Variants in SLC31A1 observed in about 807,000 individuals in gnomAD.
SLC31A1 encodes the protein solute carrier family 31 member 1.
Under a neutral mutation model 17.2 loss-of-function variants are expected in SLC31A1, and 5 were observed. That is an observed-to-expected ratio of 0.29 (90% CI 0.15 to 0.61). The LOEUF (loss-of-function observed/expected upper bound fraction) is 0.61, where lower values mean the gene tolerates loss of function less well. Among genes scored for constraint, SLC31A1 ranks in the 20% least tolerant of loss-of-function variants. SLC31A1 has a pLI of 0.86. For missense variants in SLC31A1, 161 were observed against 241.4 expected (o/e 0.67, Z 2.21); for synonymous variants, 76 against 78.8 (o/e 0.96, Z 0.19).
chr9:113,221,646 A>G lies in SLC31A1; in HGVS notation c.-68A>G. 8.7e-6 allele frequency: 3 copies of G among 344,626 alleles called. No individual in the cohort carries two copies. The highest frequency in any genetic ancestry group is 8.4e-5 in the Admixed American group (2 of 23,682). The allele number at this position is 344,626 out of a possible 1,614,324, so 21.3% of individuals were successfully genotyped here. On this transcript the variant is annotated 5_prime_UTR_variant, in exon 1 of 5. Coordinates refer to ENST00000374212, the MANE Select transcript of SLC31A1 (RefSeq NM_001859.4). ...GGGTGACGGGTTAAGATTCGGAGAG[A>G]GAGGTGCTAGTGGCTGGACTTGACC...
intron 1 of SLC31A1, among the ~76,000 whole-genome samples, chr9:113,249,921 GA>G (rs1435977010): frequency 6.6e-6 from 1 of 151,546 alleles, no homozygotes; most frequent in Non-Finnish European, 1.5e-5. Flanking sequence ...AAAAACACAT[GA>G]AAAAATGCTC....
At chr9:113,229,410 A>G (rs1025992681) in intron 1 of SLC31A1, among the ~76,000 whole-genome samples, 3 of 152,206 alleles carry the variant, frequency 2.0e-5, no homozygotes, top group South Asian at 4.1e-4. Flanking sequence ...TATAGCATAC[A>G]GTATATTCTG....
intron 1 of SLC31A1, among the ~76,000 whole-genome samples, chr9:113,229,963 A>T (rs1252411396): frequency 1.3e-5 from 2 of 152,216 alleles, no homozygotes; most frequent in Non-Finnish European, 2.9e-5. Flanking sequence ...CAAGGTGAAT[A>T]TTATAAACTC....
chr9:113,243,649 T>G (rs1178717284), intron 1 of SLC31A1, among the ~76,000 whole-genome samples: 2 of 152,292 alleles, frequency 1.3e-5, no homozygotes, highest in African/African-American at 4.8e-5. Context: ...CAGGCTCCAG[T>G]GATCCTCTGA....
At chr9:113,228,403 G>T (rs1831365721) in intron 1 of SLC31A1, among the ~76,000 whole-genome samples, 1 of 152,214 alleles carries the variant, frequency 6.6e-6, no homozygotes. Flanking sequence ...GTAGCTGGGA[G>T]ATCCACTCCC....
At chr9:113,225,631 T>A (rs1428008553) in intron 1 of SLC31A1, among the ~76,000 whole-genome samples, 1 of 152,188 alleles carries the variant, frequency 6.6e-6, no homozygotes, top group Non-Finnish European at 1.5e-5. Flanking sequence ...AAATAAAGTT[T>A]CCATACTAAA....
At chr9:113,245,368 C>T (rs1306492534) in intron 1 of SLC31A1, among the ~76,000 whole-genome samples, 1 of 151,952 alleles carries the variant, frequency 6.6e-6, no homozygotes, top group Non-Finnish European at 1.5e-5. Flanking sequence ...GATTACAGCA[C>T]TTTGTAATGT....
In SLC31A1 at chr9:113,258,601, A is replaced by AT. The variant is rs1357567815; in HGVS notation, c.203-87dup. 5.0e-6 allele frequency: 7 copies of AT among 1,393,906 alleles called. No individual in the cohort carries two copies. The African/African-American group carries it at 5.7e-5, about 11-fold the overall frequency. The allele number at this position is 1,393,906 out of a possible 1,614,324, so 86.3% of individuals were successfully genotyped here. ...AATGTCTTCAAAAGCTGAGAGTAGC[A>AT]TTTTTTCTATGTGTCTTTCTAGCTG... is the stretch of plus-strand genomic sequence containing the variant. On this transcript the variant is annotated intron_variant, in intron 3 of 4. Transcript: ENST00000374212. This position sits in a 1 kb window ranked among gnomAD's most constrained non-coding sequence, Gnocchi z 4.8.
intron 1 of SLC31A1, among the ~76,000 whole-genome samples, chr9:113,230,774 G>C (rs1359432275): frequency 6.6e-6 from 1 of 152,116 alleles, no homozygotes; most frequent in Non-Finnish European, 1.5e-5. Context: ...ATAGTCACTA[G>C]TCTTTTGGGG....
intron 1 of SLC31A1, chr9:113,223,339 AAAAG>A (rs1277124043): frequency 2.3e-4 from 91 of 388,976 alleles, no homozygotes; most frequent in African/African-American, 1.6e-3. Context: ...AAAAAAAAAA[AAAAG>A]AAAGCCACTG....
At chr9:113,248,185 G>A (rs1212291464) in intron 1 of SLC31A1, among the ~76,000 whole-genome samples, 1 of 151,998 alleles carries the variant, frequency 6.6e-6, no homozygotes, top group African/African-American at 2.4e-5. Flanking sequence ...TTAGCCAGGT[G>A]TGGTGGTGTG....
Position 113,256,172 on chromosome 9 carries a change from G to T in SLC31A1, c.24G>T (p.Gly8=). The T allele has an allele frequency of 6.2e-7, 1 of 1,612,336 alleles. No homozygotes were observed. Among genetic ancestry groups the T allele is most frequent in the East Asian group, 2.2e-5 (1 of 44,872 alleles). MDHSHHM[G]MSYMDSNSTM... ...AAATGGATCATTCCCACCATATGGG[G>T]ATGAGCTATATGGACTCCAACAGTA... Residue 8 remains glycine (G), a synonymous_variant, in exon 2 of 5, where the codon GGG becomes GGT. Transcript: ENST00000374212.
chr9:113,257,262 C>T, intron 3 of SLC31A1, 77 bp downstream of exon 3: 1 of 1,204,958 alleles, frequency 8.3e-7, no homozygotes, highest in South Asian at 1.2e-5. Context: ...AAGTCCAGCA[C>T]CTCTTTCTGT....
At chr9:113,248,363 CT>C (rs1831607174) in intron 1 of SLC31A1, among the ~76,000 whole-genome samples, 2 of 151,342 alleles carry the variant, frequency 1.3e-5, no homozygotes, top group South Asian at 4.2e-4. Context: ...GATTTCTGTG[CT>C]AGAAGGAAGA....
intron 1 of SLC31A1, among the ~76,000 whole-genome samples, chr9:113,221,974 A>C (rs1487483579): frequency 1.3e-5 from 2 of 152,164 alleles, no homozygotes; most frequent in East Asian, 3.9e-4. Flanking sequence ...CATGGATTTC[A>C]ATCCCGGCCT....
chr9:113,248,462 C>CTTTTTTTTTTTTTTTTTT (rs34154634), intron 1 of SLC31A1, among the ~76,000 whole-genome samples: 1 of 86,552 alleles, frequency 1.2e-5, no homozygotes. Context: ...GAAAGCAGTC[C>CTTTTTTTTTTTTTTTTTT]TTTTTTTTTT....
chr9:113,240,909 G>C (rs993206182), intron 1 of SLC31A1, among the ~76,000 whole-genome samples: 1 of 152,030 alleles, frequency 6.6e-6, no homozygotes. Context: ...AATTAGCTGG[G>C]TGTGGTGGCG....
Position 113,258,804 on chromosome 9 carries a change from T to G in SLC31A1, c.313T>G (p.Ser105Ala). ...GTCACAAGTCAGCATTCGCTACAATTCCATGCCTGTCCCAGGACCAAATGG... is the reference window on the plus strand; with the variant it reads ...GTCACAAGTCAGCATTCGCTACAATGCCATGCCTGTCCCAGGACCAAATGG... ...RKSQVSIRYN[S>A]MPVPGPNGTI... Residue 105 changes from serine (S) to alanine (A), a missense_variant, in exon 4 of 5, where the codon TCC becomes GCC. Physicochemically the swap from Ser to Ala is moderately conservative, Grantham distance 99. Transcript: ENST00000374212. This position sits in a 1 kb window ranked among gnomAD's most constrained non-coding sequence, Gnocchi z 4.8. 1 of 1,614,210 alleles carries G rather than the reference T, an allele frequency of 6.2e-7. No individual in the cohort carries two copies.
intron 1 of SLC31A1, among the ~76,000 whole-genome samples, chr9:113,239,199 C>T (rs890508516): frequency 6.6e-6 from 1 of 151,942 alleles, no homozygotes; most frequent in Non-Finnish European, 1.5e-5. Context: ...TTAACTCCTA[C>T]CCCTAGACCT....
Sources: allele counts gnomAD v4.1 joint callset (sites outside exome capture counted in the v4.1 genomes callset), GRCh38; gene constraint gnomAD v4.1.1; non-coding constraint Gnocchi (gnomAD v3.1); transcripts MANE v1.5; gene names NCBI Gene and HGNC (gene_info 2026-07-23, HGNC 2026-07-21).